CASTOR2: variants seen among roughly 807,000 people sequenced by gnomAD.
CASTOR2 encodes the protein cytosolic arginine sensor for mTORC1 subunit 2, also known as GATS protein like 2.
CASTOR2 carries 8 observed loss-of-function variants against 31.2 expected under a neutral mutation model. The ratio of observed to expected loss-of-function variants is 0.26; its 90% CI spans 0.15 to 0.46. The LOEUF is 0.46. CASTOR2 is among the 20% of genes least tolerant of loss of function. The pLI is 0.99. For missense variants in CASTOR2, 216 were observed against 382.1 expected (o/e 0.57, Z 3.62); for synonymous variants, 162 against 158.7 (o/e 1.02, Z -0.16).
rs1262876103 is a variant in CASTOR2, at chr7:75,024,828, A to C, written c.*129A>C. The C allele has an allele frequency of 2.6e-6, 4 of 1,545,570 alleles. No individual in the cohort carries two copies. The East Asian group carries it at 9.8e-5, about 38-fold the overall frequency. On this transcript the variant is annotated 3_prime_UTR_variant, in exon 9 of 9. Coordinates refer to ENST00000616305, the MANE Select transcript of CASTOR2 (RefSeq NM_001145064.3). ...CCTGAGGAAGGGGCCTCTGTGGGAGACTCCCTCGATTGCCAATCCCTCCAG... is the reference window on the plus strand; with the variant it reads ...CCTGAGGAAGGGGCCTCTGTGGGAGCCTCCCTCGATTGCCAATCCCTCCAG...
intron 1 of CASTOR2, among the ~76,000 whole-genome samples, chr7:74,977,360 G>A (rs1409950141): frequency 4.6e-5 from 7 of 151,372 alleles, no homozygotes; most frequent in African/African-American, 1.7e-4. Context: ...GGCCATCCAC[G>A]GTGCTAAATT....
chr7:75,005,768 T>C (rs1173300659), intron 1 of CASTOR2, among the ~76,000 whole-genome samples: 2 of 152,090 alleles, frequency 1.3e-5, no homozygotes, highest in Non-Finnish European at 2.9e-5. Context: ...AGAGGGAGGA[T>C]TGCTTGAGGA....
chr7:75,025,026 G>A lies in CASTOR2; in HGVS notation c.*327G>A, dbSNP rs953404239. ...CTCATCCGGCCTCACCCACGGCCAG[G>A]GGCAGATGCCGAGGGAAGCCGGTCC... is the stretch of plus-strand genomic sequence containing the variant. On this transcript the variant is annotated 3_prime_UTR_variant, in exon 9 of 9. Coordinates refer to ENST00000616305, the MANE Select transcript of CASTOR2 (RefSeq NM_001145064.3). 2.0e-5 allele frequency among the ~76,000 whole-genome samples: 3 copies of A among 152,256 alleles called. No homozygotes were observed. The highest frequency in any genetic ancestry group is 2.0e-4 in the Admixed American group (3 of 15,288).
At chr7:75,003,938 C>T (rs1804553483) in intron 1 of CASTOR2, among the ~76,000 whole-genome samples, 1 of 152,148 alleles carries the variant, frequency 6.6e-6, no homozygotes, top group Non-Finnish European at 1.5e-5. Flanking sequence ...GGACAGGTCA[C>T]TTCAACAACA....
chr7:75,016,265 A>G (rs1358179967), intron 2 of CASTOR2, among the ~76,000 whole-genome samples: 1 of 152,186 alleles, frequency 6.6e-6, no homozygotes. Context: ...TCCCACATTC[A>G]GGGCTACTCA....
intron 1 of CASTOR2, among the ~76,000 whole-genome samples, chr7:75,000,713 A>T (rs1464083976): frequency 1.3e-5 from 2 of 152,126 alleles, no homozygotes; most frequent in African/African-American, 4.8e-5. Flanking sequence ...TCTGGAGTGC[A>T]GTGGCACAAT....
In CASTOR2 at chr7:75,015,155, A is replaced by G. The variant is rs1422984732; in HGVS notation, c.185-2443A>G. On this transcript the variant is annotated intron_variant, in intron 2 of 8. Transcript: ENST00000616305. ...TAGGAACAGGCATGGGCCTCACTCA[A>G]TTTCCCTCCTCTCAGGCCATCTTGC... Among the ~76,000 whole-genome samples the G allele has an allele frequency of 1.4e-3, 214 of 152,116 alleles. 2 individuals carry two copies. The highest frequency in any genetic ancestry group is 4.5e-3 in the African/African-American group (185 of 41,506).
rs1354660251 is a variant in CASTOR2, at chr7:75,029,160, TC to T, written c.*4462del. Among the ~76,000 whole-genome samples the T allele has an allele frequency of 2.0e-5, 3 of 152,104 alleles. No individual in the cohort carries two copies. Among genetic ancestry groups the T allele is most frequent in the African/African-American group, 7.2e-5 (3 of 41,396 alleles). Reference sequence around the variant, plus strand: ...AGCCCAGGGCACTATTTGGTGATCTTCAAAGGTGAACACAGGCCACCTCCCA... The same window carrying T: ...AGCCCAGGGCACTATTTGGTGATCTTAAAGGTGAACACAGGCCACCTCCCA... On this transcript the variant is annotated 3_prime_UTR_variant, in exon 9 of 9. Transcript: ENST00000616305.
At chr7:74,989,222 C>T (rs1164435073) in intron 1 of CASTOR2, among the ~76,000 whole-genome samples, 3 of 151,058 alleles carry the variant, frequency 2.0e-5, no homozygotes, top group East Asian at 1.9e-4. Context: ...TCTCGGCCTC[C>T]GAAAGTGCTG....
intron 2 of CASTOR2, among the ~76,000 whole-genome samples, chr7:75,017,339 C>T (rs1554439960): frequency 2.0e-5 from 3 of 151,246 alleles, no homozygotes; most frequent in African/African-American, 4.9e-5. Context: ...CCCAGCTACT[C>T]GGGAGGCTGA....
intron 1 of CASTOR2, among the ~76,000 whole-genome samples, chr7:74,998,790 T>C (rs1207003143): frequency 1.3e-5 from 2 of 151,854 alleles, no homozygotes; most frequent in Non-Finnish European, 2.9e-5. Flanking sequence ...AGGTATACTC[T>C]TGTCTACAAG....
intron 1 of CASTOR2, among the ~76,000 whole-genome samples, chr7:75,002,965 G>A (rs1237161946): frequency 6.6e-6 from 1 of 152,118 alleles, no homozygotes; most frequent in African/African-American, 2.4e-5. Context: ...GTGTGCACCT[G>A]TAATCCCGGG....
intron 4 of CASTOR2, 138 bp downstream of exon 4, chr7:75,018,260 C>A (rs1420224235): frequency 1.4e-6 from 2 of 1,477,798 alleles, no homozygotes; most frequent in Non-Finnish European, 1.8e-6. Flanking sequence ...ATGCAAAGGG[C>A]CCAGTGTGGT....
intron 1 of CASTOR2, among the ~76,000 whole-genome samples, chr7:74,997,561 G>T (rs1305071857): frequency 3.9e-5 from 6 of 151,930 alleles, no homozygotes; most frequent in African/African-American, 1.5e-4. Context: ...AAGTAGCTAG[G>T]ATTACAGGCA....
intron 6 of CASTOR2, 102 bp downstream of exon 6, chr7:75,020,251 G>T (rs1804960990): frequency 9.6e-6 from 11 of 1,151,086 alleles, no homozygotes; most frequent in East Asian, 2.6e-5. Flanking sequence ...ATTTGTTGTT[G>T]TTTTTTTTTG....
intron 1 of CASTOR2, among the ~76,000 whole-genome samples, chr7:75,001,927 G>A (rs1403530042): frequency 2.6e-5 from 4 of 152,150 alleles, no homozygotes; most frequent in African/African-American, 9.7e-5. Flanking sequence ...GTATCCTTGG[G>A]CTGTGATGCA....
intron 8 of CASTOR2, 45 bp downstream of exon 8, chr7:75,024,579 G>A (rs1805077479): frequency 2.6e-6 from 4 of 1,550,736 alleles, no homozygotes; most frequent in Non-Finnish European, 2.6e-6. Flanking sequence ...GCCGGGGTGG[G>A]GAAGCAGGTT....
rs1805257456 is a variant in CASTOR2, at chr7:75,030,068, G to A, written c.*5369G>A. 6.6e-6 allele frequency among the ~76,000 whole-genome samples: 1 copy of A among 152,236 alleles called. No homozygotes were observed. The highest frequency in any genetic ancestry group is 1.5e-5 in the Non-Finnish European group (1 of 68,038). On this transcript the variant is annotated 3_prime_UTR_variant, in exon 9 of 9. Coordinates refer to ENST00000616305, the MANE Select transcript of CASTOR2 (RefSeq NM_001145064.3). ...CCTGGAGCAGAGGCAGGAGCCTGAG[G>A]CCTGAGCCATGGCATCCAGGGACAG...
rs1805175245 is a variant in CASTOR2, at chr7:75,027,646, G to C, written c.*2947G>C. 3.7e-6 allele frequency: 1 copy of C among 271,848 alleles called. No individual in the cohort carries two copies. Among genetic ancestry groups the C allele is most frequent in the Non-Finnish European group, 7.1e-6 (1 of 140,908 alleles). 16.8% of individuals were successfully genotyped at this position (271,848 alleles called of 1,614,324 possible). A position where few individuals can be genotyped will look rare whatever the true frequency, so the allele number is the denominator to read the frequency against. ...CGCTGGGGCCAGGGTATGGCTCTCC[G>C]CCCTGGCTGGCTCTGCAGGGGTGGT... On this transcript the variant is annotated 3_prime_UTR_variant, in exon 9 of 9. Transcript: ENST00000616305.
Sources: allele counts gnomAD v4.1 joint callset (sites outside exome capture counted in the v4.1 genomes callset), GRCh38; gene constraint gnomAD v4.1.1; transcripts MANE v1.5; gene names NCBI Gene and HGNC (gene_info 2026-07-23, HGNC 2026-07-21).